Variants in NRCAM observed in about 807,000 individuals in gnomAD.
NRCAM encodes neuronal cell adhesion molecule.
NRCAM carries 83 observed loss-of-function variants against 156.5 expected under a neutral mutation model. The observed-to-expected ratio is 0.53, with a 90% CI of 0.44 to 0.64. The LOEUF is 0.64. NRCAM is among the 30% of genes least tolerant of loss of function. The pLI is 0.00. For synonymous variants in NRCAM, 538 were observed against 563.9 expected, an observed-to-expected ratio of 0.95 and a Z score of 0.65; for missense variants, 1,417 against 1,597.3, an observed-to-expected ratio of 0.89 and a Z score of 1.92.
In NRCAM at chr7:108,272,396, G is replaced by A. The variant is rs374200254; in HGVS notation, c.-106-32226C>T. The stretch of plus-strand genomic sequence containing the variant: ...GCTGAACACACACACTCCTAAAGTA[G>A]GGGTTAGTGCAGGCTCACCATCATT... On this transcript the variant is annotated intron_variant, in intron 3 of 32. Transcript: ENST00000379028. 5.3e-5 allele frequency among the ~76,000 whole-genome samples: 8 copies of A among 152,310 alleles called. No individual in the cohort carries two copies. In the East Asian group the frequency reaches 1.4e-3, roughly 26 times the overall value.
At chr7:108,263,994 CT>C in intron 3 of NRCAM, among the ~76,000 whole-genome samples, 1 of 151,388 alleles carries the variant, frequency 6.6e-6, no homozygotes, top group South Asian at 2.1e-4. Flanking sequence ...ATCTTTGTTT[CT>C]TTTTTTTTGA....
chr7:108,149,636 T>C lies in NRCAM; in HGVS notation c.*274A>G, dbSNP rs1009111066. On this transcript the variant is annotated 3_prime_UTR_variant, in exon 33 of 33. Coordinates refer to ENST00000379028, the MANE Select transcript of NRCAM (RefSeq NM_001037132.4). ...ATTGAACTGTATCCTGCAGAGGAAA[T>C]AACAGGATCTGTTGGTGATGTTGCA... is the stretch of plus-strand genomic sequence containing the variant. 6 of 452,810 alleles carry C rather than the reference T, an allele frequency of 1.3e-5. No individual in the cohort carries two copies. In the Admixed American group the frequency reaches 2.4e-4, roughly 18 times the overall value. The allele number at this position is 452,810 out of a possible 1,614,324, so 28.0% of individuals were successfully genotyped here.
chr7:108,305,152 C>T (rs1347042516), intron 3 of NRCAM, among the ~76,000 whole-genome samples: 3 of 152,166 alleles, frequency 2.0e-5, no homozygotes, highest in African/African-American at 7.2e-5. Context: ...TTTCCTACTC[C>T]TCTATGGCAA....
intron 29 of NRCAM, among the ~76,000 whole-genome samples, chr7:108,167,610 A>T (rs1338646062): frequency 6.6e-6 from 1 of 152,236 alleles, no homozygotes; most frequent in Non-Finnish European, 1.5e-5. Context: ...TTAAACAGAA[A>T]GTTGGACTCT....
At chr7:108,175,971 GAT>G (rs1315980957) in intron 27 of NRCAM, among the ~76,000 whole-genome samples, 28 of 152,084 alleles carry the variant, frequency 1.8e-4, no homozygotes, top group Admixed American at 1.8e-3. Context: ...AATGTAAATT[GAT>G]ATGTGAACTA....
At chr7:108,432,157 G>A (rs745690827) in intron 1 of NRCAM, among the ~76,000 whole-genome samples, 1 of 152,180 alleles carries the variant, frequency 6.6e-6, no homozygotes, top group Non-Finnish European at 1.5e-5. Context: ...AATGTTTACC[G>A]TCTCAACCAC....
chr7:108,243,778 A>T (rs1217377354), intron 3 of NRCAM, among the ~76,000 whole-genome samples: 1 of 152,218 alleles, frequency 6.6e-6, no homozygotes, highest in Non-Finnish European at 1.5e-5. Flanking sequence ...GCCTTTTCAT[A>T]TCTCATTTAA....
At chr7:108,225,282 A>G (rs1346594800) in intron 10 of NRCAM, among the ~76,000 whole-genome samples, 1 of 152,216 alleles carries the variant, frequency 6.6e-6, no homozygotes, top group Non-Finnish European at 1.5e-5. Flanking sequence ...TCAGTATTCT[A>G]GCAAGTTAAT....
chr7:108,312,481 T>C (rs1267285107), intron 3 of NRCAM, among the ~76,000 whole-genome samples, 184 bp downstream of exon 3: 3 of 152,198 alleles, frequency 2.0e-5, no homozygotes, highest in African/African-American at 7.2e-5. Context: ...GTATTTGATC[T>C]ATCTTCTTTG....
chr7:108,227,363 G>A (rs2093646256), intron 8 of NRCAM, among the ~76,000 whole-genome samples: 2 of 152,132 alleles, frequency 1.3e-5, no homozygotes, highest in Non-Finnish European at 2.9e-5. Flanking sequence ...TATTTGTGGG[G>A]TACAATGTGA....
intron 2 of NRCAM, among the ~76,000 whole-genome samples, chr7:108,351,889 T>C (rs182287055): frequency 3.8e-3 from 572 of 152,284 alleles, no homozygotes; most frequent in Non-Finnish European, 6.9e-3. Context: ...ATGTTGTTTG[T>C]ACAGACCCAT....
chr7:108,413,469 C>T (rs1389908057), intron 1 of NRCAM, among the ~76,000 whole-genome samples: 2 of 152,262 alleles, frequency 1.3e-5, no homozygotes, highest in Admixed American at 6.5e-5. Context: ...TTCTCCCATT[C>T]CAAATAACCC....
chr7:108,435,678 G>C (rs1218430095), intron 1 of NRCAM, among the ~76,000 whole-genome samples: 1 of 152,060 alleles, frequency 6.6e-6, no homozygotes, highest in Admixed American at 6.5e-5. Flanking sequence ...TGAAGTAATC[G>C]GTACAACAAA....
intron 3 of NRCAM, among the ~76,000 whole-genome samples, chr7:108,285,523 G>C (rs1275384114): frequency 6.6e-6 from 1 of 152,160 alleles, no homozygotes; most frequent in African/African-American, 2.4e-5. Flanking sequence ...GGAGACAATG[G>C]ATTTCCCAAG....
chr7:108,166,439 G>T (rs538289874), intron 30 of NRCAM, among the ~76,000 whole-genome samples: 3 of 151,806 alleles, frequency 2.0e-5, no homozygotes, highest in Non-Finnish European at 2.9e-5. Flanking sequence ...GTAGAGACGG[G>T]GTTTCATCAT....
At chr7:108,362,185 G>A (rs1047576112) in intron 2 of NRCAM, among the ~76,000 whole-genome samples, 5 of 152,138 alleles carry the variant, frequency 3.3e-5, no homozygotes, top group African/African-American at 1.2e-4. Context: ...ATCAAAGCCT[G>A]GCAGATCTGG....
chr7:108,193,411 C>G (rs2073269579), intron 17 of NRCAM, among the ~76,000 whole-genome samples: 1 of 152,242 alleles, frequency 6.6e-6, no homozygotes, highest in Non-Finnish European at 1.5e-5. Flanking sequence ...CCTATAGCCA[C>G]TTTGCTAAAA....
At chr7:108,450,774 A>C (rs1386353380) in intron 1 of NRCAM, among the ~76,000 whole-genome samples, 1 of 152,240 alleles carries the variant, frequency 6.6e-6, no homozygotes, top group East Asian at 1.9e-4. Context: ...CATATGCTCC[A>C]CAACATCAAT....
At chr7:108,382,327 G>A (rs534281974) in intron 2 of NRCAM, among the ~76,000 whole-genome samples, 1 of 152,152 alleles carries the variant, frequency 6.6e-6, no homozygotes, top group Non-Finnish European at 1.5e-5. Flanking sequence ...TGGGCGCGGT[G>A]GTTCATGCCT....
Sources: allele counts gnomAD v4.1 joint callset (sites outside exome capture counted in the v4.1 genomes callset), GRCh38; gene constraint gnomAD v4.1.1; transcripts MANE v1.5; gene names NCBI Gene and HGNC (gene_info 2026-07-23, HGNC 2026-07-21).